The following ARHGEF10 variants were observed in gnomAD, a reference collection of about 807,000 sequenced individuals.
The protein encoded by ARHGEF10 is Rho guanine nucleotide exchange factor (GEF) 10.
A neutral mutation model predicts 147.4 loss-of-function variants in ARHGEF10; 140 were observed. The ratio of observed to expected loss-of-function variants is 0.95; its 90% CI spans 0.83 to 1.09. The LOEUF (loss-of-function observed/expected upper bound fraction) is 1.09. Among genes scored for constraint, ARHGEF10 ranks in the 50% least tolerant of loss-of-function variants. The pLI, the probability that ARHGEF10 is intolerant of heterozygous loss-of-function variation, is 0.00. For missense variants in ARHGEF10, 2,222 were observed against 1,752.7 expected (o/e 1.27, Z -4.78); for synonymous variants, 902 against 695.8 (o/e 1.30, Z -4.67).
At chr8:1,839,680 GGTGTGGGGA>G (rs1803844775) in intron 1 of ARHGEF10, among the ~76,000 whole-genome samples, 37 of 132,610 alleles carry the variant, frequency 2.8e-4, no homozygotes, top group South Asian at 7.7e-4. Context: ...TGTGGAAACT[GGTGTGGGGA>G]CTGTCCGGTG....
chr8:1,900,103 A>T (rs1399236297), intron 15 of ARHGEF10, among the ~76,000 whole-genome samples: 2 of 152,230 alleles, frequency 1.3e-5, no homozygotes, highest in Admixed American at 6.5e-5. Flanking sequence ...TTTTAAATTT[A>T]TTAAATTTGG....
chr8:1,911,670 G>A (rs1233102393), intron 18 of ARHGEF10, among the ~76,000 whole-genome samples: 1 of 152,146 alleles, frequency 6.6e-6, no homozygotes, highest in Non-Finnish European at 1.5e-5. Flanking sequence ...ACAGTCTCTT[G>A]TTAGCATTGA....
intron 5 of ARHGEF10, 37 bp from the exon 6 acceptor site, chr8:1,866,489 C>T: frequency 6.2e-7 from 1 of 1,604,372 alleles, no homozygotes; most frequent in South Asian, 1.1e-5. Context: ...TTGGGCTGTG[C>T]CTGGATATTC....
At chr8:1,879,154 T>A (rs1434262048) in intron 8 of ARHGEF10, among the ~76,000 whole-genome samples, 2 of 152,152 alleles carry the variant, frequency 1.3e-5, no homozygotes, top group African/African-American at 2.4e-5. Context: ...GTCTGTGACA[T>A]GAGAAATGCC....
chr8:1,823,762 G>A (rs553632550), upstream of ARHGEF10, among the ~76,000 whole-genome samples: 162 of 151,934 alleles, frequency 1.1e-3, 1 homozygote, highest in Middle Eastern at 3.4e-3. Flanking sequence ...CCGGGCGTTG[G>A]GCAGCGGGAG....
Position 1,922,975 on chromosome 8 carries a change from A to G in ARHGEF10, c.2155A>G (p.Met719Val). The change falls in exon 19 of 29, where the codon ATG (methionine) becomes GTG (valine). Residue 719 changes from methionine to valine, a missense_variant. Transcript: ENST00000349830. ...TGCTTATTTTGTAGACAAAGTTTACATGGGGCCAGGACAACTGTATCAAGA... is the reference window on the plus strand; with the variant it reads ...TGCTTATTTTGTAGACAAAGTTTACGTGGGGCCAGGACAACTGTATCAAGA... Reference protein sequence around the residue: ...VANAKPNKVYMGPGQLYQDLQ... With the variant: ...VANAKPNKVYVGPGQLYQDLQ... 1.9e-6 allele frequency: 3 copies of G among 1,612,470 alleles called. No homozygotes were observed. The highest frequency in any genetic ancestry group is 2.5e-6 in the Non-Finnish European group (3 of 1,179,074).
At position 1,866,539 on chromosome 8, in the gene ARHGEF10, G is replaced by A. The variant is rs150391021; in HGVS notation, c.559G>A (p.Gly187Ser). The A allele has an allele frequency of 8.7e-6, 14 of 1,611,094 alleles. No individual in the cohort carries two copies. The highest frequency in any genetic ancestry group is 4.5e-5 in the East Asian group (2 of 44,844). ...EEPPTSEDQV[G>S]REDSALARWA... The stretch of plus-strand genomic sequence containing the variant: ...GTTTTCTTTAAGTGAAGATCAAGTC[G>A]GTCGAGAGGACAGCGCACTTGCCCG... The change falls in exon 6 of 29, where the codon GGT (glycine) becomes AGT (serine). Residue 187 changes from glycine (G) to serine (S), a missense_variant. By Grantham distance (56) the Gly-to-Ser change is moderately conservative (BLOSUM62 0). Coordinates refer to ENST00000349830, the MANE Select transcript of ARHGEF10 (RefSeq NM_014629.4).
chr8:1,826,867 A>G (rs368924318), intron 1 of ARHGEF10, among the ~76,000 whole-genome samples: 3 of 152,204 alleles, frequency 2.0e-5, no homozygotes, highest in African/African-American at 7.2e-5. Context: ...GTGGCGTGAA[A>G]TAAGACAGAA....
intron 7 of ARHGEF10, chr8:1,869,899 C>T (rs1177834700): frequency 6.3e-6 from 1 of 158,040 alleles, no homozygotes; most frequent in Non-Finnish European, 1.4e-5. Flanking sequence ...AAGTACAGTC[C>T]TTTAGAAAGG....
intron 6 of ARHGEF10, 96 bp from the exon 7 acceptor site, chr8:1,869,098 A>C: frequency 8.6e-7 from 1 of 1,158,668 alleles, no homozygotes; most frequent in South Asian, 1.2e-5. Flanking sequence ...CTTTTTGAAT[A>C]ATCATGACAT....
chr8:1,898,565 G>A (rs761561442), intron 15 of ARHGEF10, 40 bp downstream of exon 15: 3 of 1,586,432 alleles, frequency 1.9e-6, no homozygotes, highest in South Asian at 1.1e-5. Flanking sequence ...TAGTCCTCTG[G>A]CTCGCCCATG....
chr8:1,957,496 A>G lies in ARHGEF10; in HGVS notation c.*233A>G, dbSNP rs1815678300. The G allele has an allele frequency of 3.2e-6, 2 of 633,930 alleles. No homozygotes were observed. Among genetic ancestry groups the G allele is most frequent in the South Asian group, 4.0e-5 (2 of 50,390 alleles). The allele number at this position is 633,930 out of a possible 1,614,324, so 39.3% of individuals were successfully genotyped here. A position where few individuals can be genotyped will look rare whatever the true frequency, so the allele number is the denominator to read the frequency against. ...CTCACGAAGGCAGAAGACTGATGCA[A>G]TTTTCGAGTAATTGAGTGCAGTTCT... On this transcript the variant is annotated 3_prime_UTR_variant, in exon 29 of 29. Transcript: ENST00000349830.
intron 18 of ARHGEF10, among the ~76,000 whole-genome samples, chr8:1,912,946 C>T (rs1032219014): frequency 6.6e-6 from 1 of 152,154 alleles, no homozygotes; most frequent in Non-Finnish European, 1.5e-5. Context: ...GCACTCCACC[C>T]GGCCGCTGTT....
intron 4 of ARHGEF10, among the ~76,000 whole-genome samples, chr8:1,860,555 T>C (rs189893267): frequency 2.9e-4 from 44 of 152,246 alleles, no homozygotes; most frequent in South Asian, 8.3e-4. Flanking sequence ...GATGTTTGTT[T>C]ACAGAGTTGG....
intron 15 of ARHGEF10, among the ~76,000 whole-genome samples, chr8:1,900,331 C>T (rs940400198): frequency 1.3e-5 from 2 of 152,196 alleles, no homozygotes; most frequent in Non-Finnish European, 1.5e-5. Flanking sequence ...ACGTTTCCAT[C>T]CACCTTCAGC....
intron 18 of ARHGEF10, among the ~76,000 whole-genome samples, chr8:1,919,799 G>T (rs992479779): frequency 6.7e-6 from 1 of 150,352 alleles, no homozygotes; most frequent in Non-Finnish European, 1.5e-5. Flanking sequence ...TGTTCTGTGG[G>T]TGATGGAGCT....
chr8:1,885,180 T>C (rs1168453246), intron 10 of ARHGEF10, among the ~76,000 whole-genome samples: 1 of 152,236 alleles, frequency 6.6e-6, no homozygotes, highest in African/African-American at 2.4e-5. Context: ...TCAATGACTT[T>C]TGACTCACCT....
intron 1 of ARHGEF10, among the ~76,000 whole-genome samples, chr8:1,835,037 G>A (rs562447013): frequency 1.8e-4 from 28 of 152,318 alleles, no homozygotes; most frequent in African/African-American, 6.3e-4. Context: ...AGCTCGGCTC[G>A]GTCGGGGAGT....
At chr8:1,943,899 A>G (rs1340967527) in intron 26 of ARHGEF10, 1 of 152,078 alleles carries the variant, frequency 6.6e-6, no homozygotes, top group Non-Finnish European at 1.5e-5. Context: ...TAGAATGGGC[A>G]TTTTAGAGGT....
Sources: gnomAD v4.1 joint callset for allele counts (sites outside exome capture counted in the v4.1 genomes callset) on GRCh38, gnomAD v4.1.1 for gene constraint, MANE v1.5 for transcripts, NCBI Gene and HGNC (gene_info 2026-07-23, HGNC 2026-07-21) for gene names.